The following YARS1 variants were observed in gnomAD, a reference collection of about 807,000 sequenced individuals.
The protein encoded by YARS1 is tyrosyl-tRNA synthetase 1.
YARS1 carries 36 observed loss-of-function variants against 62.2 expected under a neutral mutation model. That is an observed-to-expected ratio of 0.58 (90% confidence interval 0.44 to 0.76). The LOEUF (loss-of-function observed/expected upper bound fraction) is 0.76. Ranked by LOEUF, YARS1 falls within the 30% of genes least tolerant of loss-of-function variation. YARS1 has a pLI of 0.00. For synonymous variants in YARS1, 234 were observed against 244.9 expected (o/e 0.96, Z 0.42); for missense variants, 524 against 639.8 (o/e 0.82, Z 1.95).
At chr1:32,782,024 C>CT (rs1490587529) in intron 9 of YARS1, 3 of 151,580 alleles carry the variant, frequency 2.0e-5, no homozygotes, top group Non-Finnish European at 4.1e-5. Flanking sequence ...GTTTTGGTCT[C>CT]TAACTTTTGG....
At chr1:32,817,051 G>C (rs1377558898) in intron 1 of YARS1, 137 bp downstream of exon 1, 1 of 1,119,750 alleles carries the variant, frequency 8.9e-7, no homozygotes, top group African/African-American at 1.5e-5. Flanking sequence ...CCAGCAGTGA[G>C]ATCTACAGGC....
At chr1:32,781,287 A>G (rs551953186) in intron 9 of YARS1, 142 bp from the exon 10 acceptor site, 2 of 742,164 alleles carry the variant, frequency 2.7e-6, no homozygotes, top group African/African-American at 3.5e-5. Flanking sequence ...AACTTCTTTA[A>G]TACTGGGTTG....
At chr1:32,779,120 G>C (rs1299135428) in intron 12 of YARS1, among the ~76,000 whole-genome samples, 1 of 152,140 alleles carries the variant, frequency 6.6e-6, no homozygotes, top group East Asian at 1.9e-4. Flanking sequence ...TCCTATTACA[G>C]ACTGAAGATC....
At chr1:32,791,567 T>C (rs1354193839) in intron 5 of YARS1, among the ~76,000 whole-genome samples, 14 of 152,234 alleles carry the variant, frequency 9.2e-5, no homozygotes, top group South Asian at 2.1e-4. Flanking sequence ...TTTGGGAGGC[T>C]GAGGTGGGTG....
rs143354298 is a variant in YARS1, at chr1:32,812,710, C to T, written c.58-1653G>A. Among the ~76,000 whole-genome samples, 252 of 152,322 alleles carry T rather than the reference C, an allele frequency of 1.7e-3. 1 individual carries two copies. Among genetic ancestry groups the T allele is most frequent in the African/African-American group, 5.8e-3 (242 of 41,568 alleles). ...AGCTTCAGCTGGGTGCAGCACCTCA[C>T]GCCTGTAATCCCAGCACTTTGGGAG... On this transcript the variant is annotated intron_variant, in intron 1 of 12. Coordinates refer to ENST00000373477, the MANE Select transcript of YARS1 (RefSeq NM_003680.4).
In YARS1 at chr1:32,810,607, C is replaced by A; in HGVS notation, c.364G>T (p.Asp122Tyr). ...LEKLKFIKGT[D>Y]YQLSKEYTLD... ...AGCACTTACTTGCTGAGCTGGTAAT[C>A]AGTGCCTTTGATGAACTTGAGCTTC... Residue 122 changes from aspartate to tyrosine, a missense_variant, in exon 3 of 13, where the codon GAT becomes TAT. Physicochemically the swap from Asp to Tyr is radical, Grantham distance 160 (BLOSUM62 -3). Coordinates refer to ENST00000373477, the MANE Select transcript of YARS1 (RefSeq NM_003680.4). 6.2e-7 allele frequency: 1 copy of A among 1,613,050 alleles called. No homozygotes were observed. Among genetic ancestry groups the A allele is most frequent in the Non-Finnish European group, 8.5e-7 (1 of 1,180,034 alleles).
intron 8 of YARS1, chr1:32,783,138 G>C (rs1653114436): frequency 6.4e-6 from 1 of 155,454 alleles, no homozygotes; most frequent in African/African-American, 2.4e-5. Context: ...TTACAGGCAT[G>C]GGCCAACGTG....
Position 32,780,271 on chromosome 1 carries a change from T to G in YARS1, c.1148A>C (p.Asp383Ala), listed in dbSNP as rs1317777895. Residue 383 changes from aspartate (D) to alanine (A), a missense_variant, in exon 11 of 13, where the codon GAT (aspartate) becomes GCT (alanine). Transcript: ENST00000373477. Reference protein sequence around the residue: ...GKIITVEKHPDADSLYVEKID... With the variant: ...GKIITVEKHPAADSLYVEKID... ...CTTCTCTACATACAGGCTGTCTGCA[T>G]CTGGGTGCTGCCAGGGAGAGACGTC... is the stretch of plus-strand genomic sequence containing the variant. 3 of 1,614,118 alleles carry G rather than the reference T, an allele frequency of 1.9e-6. No individual in the cohort carries two copies. The East Asian group carries it at 6.7e-5, about 36-fold the overall frequency.
At chr1:32,809,470 A>G (rs1480207574) in intron 3 of YARS1, among the ~76,000 whole-genome samples, 1 of 151,976 alleles carries the variant, frequency 6.6e-6, no homozygotes, top group Non-Finnish European at 1.5e-5. Context: ...TCTTGGCCTC[A>G]AGCAATTCTC....
At chr1:32,800,947 G>C (rs1638273613) in intron 4 of YARS1, among the ~76,000 whole-genome samples, 1 of 152,106 alleles carries the variant, frequency 6.6e-6, no homozygotes, top group South Asian at 2.1e-4. Context: ...GGATGTTTCT[G>C]TTAAAACATG....
intron 5 of YARS1, 75 bp from the exon 6 acceptor site, chr1:32,791,329 T>C: frequency 8.3e-7 from 1 of 1,205,756 alleles, no homozygotes; most frequent in Non-Finnish European, 1.2e-6. Flanking sequence ...TCATCTGACT[T>C]GGCCAGCAAC....
At chr1:32,781,196 A>T (rs967368020) in intron 9 of YARS1, 51 bp from the exon 10 acceptor site, 2 of 1,446,596 alleles carry the variant, frequency 1.4e-6, no homozygotes, top group Admixed American at 1.7e-5. Flanking sequence ...GTGGCAGGTC[A>T]GCTGCTGATC....
chr1:32,804,980 C>T (rs564844196), intron 4 of YARS1, among the ~76,000 whole-genome samples: 137 of 152,282 alleles, frequency 9.0e-4, no homozygotes, highest in African/African-American at 2.9e-3. Flanking sequence ...TCTGCAATCC[C>T]GGCACCTCGG....
intron 1 of YARS1, among the ~76,000 whole-genome samples, chr1:32,816,108 CAA>C (rs71571726): frequency 5.5e-5 from 3 of 54,060 alleles, no homozygotes; most frequent in Admixed American, 2.0e-4. Flanking sequence ...GACTCCGCCT[CAA>C]AAAAAAAAAA....
chr1:32,796,371 G>A (rs773504259), intron 5 of YARS1, among the ~76,000 whole-genome samples: 65 of 147,060 alleles, frequency 4.4e-4, no homozygotes, highest in Middle Eastern at 3.5e-3. Flanking sequence ...TTTCTTTTTT[G>A]TTTTTTTTTT....
intron 3 of YARS1, among the ~76,000 whole-genome samples, chr1:32,807,322 G>T (rs928241513): frequency 6.6e-6 from 1 of 152,064 alleles, no homozygotes; most frequent in Non-Finnish European, 1.5e-5. Context: ...CTCTTGTGTC[G>T]GGCTTTCAAG....
intron 4 of YARS1, among the ~76,000 whole-genome samples, chr1:32,801,783 CG>C (rs1557460301): frequency 6.6e-6 from 1 of 152,140 alleles, no homozygotes; most frequent in East Asian, 1.9e-4. Flanking sequence ...ATTTCAACAA[CG>C]TTCACAGAAT....
chr1:32,803,025 C>T (rs531876945), intron 4 of YARS1, among the ~76,000 whole-genome samples: 8 of 145,880 alleles, frequency 5.5e-5, no homozygotes, highest in Admixed American at 3.5e-4. Flanking sequence ...CATTGTTGCC[C>T]GGGCTGGAGT....
chr1:32,811,293 C>G (rs1489682483), intron 1 of YARS1: 10 of 597,050 alleles, frequency 1.7e-5, no homozygotes, highest in Non-Finnish European at 2.7e-5. Flanking sequence ...ACTTGTAGCC[C>G]CTTGCAGCCT....
Sources: allele counts gnomAD v4.1 joint callset (sites outside exome capture counted in the v4.1 genomes callset), GRCh38; gene constraint gnomAD v4.1.1; transcripts MANE v1.5; gene names NCBI Gene and HGNC (gene_info 2026-07-23, HGNC 2026-07-21).